Variants in BTLA observed in about 807,000 individuals in gnomAD.
BTLA encodes the protein B and T lymphocyte associated.
In BTLA, 11 loss-of-function variants were observed where a neutral mutation model predicts 25.0. The ratio of observed to expected loss-of-function variants is 0.44; its 90% CI spans 0.28 to 0.73. The LOEUF (loss-of-function observed/expected upper bound fraction) is 0.73. Among genes scored for constraint, BTLA ranks in the 30% least tolerant of loss-of-function variants. BTLA has a pLI of 0.15. For synonymous variants in BTLA, 104 were observed against 119.8 expected, an observed-to-expected ratio of 0.87 and a Z score of 0.86; for missense variants, 282 against 332.8, an observed-to-expected ratio of 0.85 and a Z score of 1.19.
At chr3:112,488,837 C>T (rs540210221) in intron 1 of BTLA, among the ~76,000 whole-genome samples, 66 of 152,126 alleles carry the variant, frequency 4.3e-4, no homozygotes, top group African/African-American at 1.4e-3. Flanking sequence ...TGGTCTTGAA[C>T]TCCTGACCTT....
At chr3:112,485,641 G>A (rs1448977112) in intron 1 of BTLA, among the ~76,000 whole-genome samples, 2 of 151,642 alleles carry the variant, frequency 1.3e-5, no homozygotes, top group African/African-American at 4.8e-5. Context: ...TCGGTTCACT[G>A]CAACCTCCAT....
At chr3:112,498,877 G>A (rs1168111062) in intron 1 of BTLA, among the ~76,000 whole-genome samples, 1 of 152,074 alleles carries the variant, frequency 6.6e-6, no homozygotes, top group Non-Finnish European at 1.5e-5. Flanking sequence ...CTACCCAACT[G>A]AGCACTGCAG....
At chr3:112,482,937 T>G (rs1484987528) in intron 1 of BTLA, among the ~76,000 whole-genome samples, 1 of 152,138 alleles carries the variant, frequency 6.6e-6, no homozygotes, top group Admixed American at 6.5e-5. Context: ...TCCGTTCCTC[T>G]CCCTGAAGTT....
chr3:112,481,880 C>T (rs1047088717), intron 1 of BTLA, among the ~76,000 whole-genome samples: 6 of 152,296 alleles, frequency 3.9e-5, no homozygotes, highest in Admixed American at 3.3e-4. Context: ...AGTAGCCACA[C>T]AGCAGCCTAA....
intron 1 of BTLA, among the ~76,000 whole-genome samples, chr3:112,483,914 G>C (rs1218814924): frequency 6.6e-6 from 1 of 151,772 alleles, no homozygotes; most frequent in Admixed American, 6.6e-5. Context: ...GTTCCAGTGA[G>C]CTGAGATCAT....
At chr3:112,492,130 G>C (rs1027159864) in intron 1 of BTLA, among the ~76,000 whole-genome samples, 1 of 152,194 alleles carries the variant, frequency 6.6e-6, no homozygotes, top group African/African-American at 2.4e-5. Context: ...CACTGACTTT[G>C]CTTCTCTAGG....
chr3:112,477,432 G>A (rs923121867), intron 2 of BTLA, among the ~76,000 whole-genome samples: 4 of 151,428 alleles, frequency 2.6e-5, no homozygotes, highest in African/African-American at 9.7e-5. Context: ...CATTTCTCCA[G>A]TAACTAATGA....
intron 2 of BTLA, among the ~76,000 whole-genome samples, chr3:112,474,499 A>G (rs1327038643): frequency 1.3e-5 from 2 of 151,538 alleles, no homozygotes; most frequent in Non-Finnish European, 2.9e-5. Context: ...GAAGGAAGTT[A>G]AAAGAAAAAA....
intron 4 of BTLA, among the ~76,000 whole-genome samples, chr3:112,468,050 G>A (rs2082239728): frequency 6.6e-6 from 1 of 152,208 alleles, no homozygotes; most frequent in South Asian, 2.1e-4. Context: ...GTGCCACAAG[G>A]CCAATGCACC....
At chr3:112,479,818 C>A in intron 1 of BTLA, 49 bp from the exon 2 acceptor site, 1 of 1,407,232 alleles carries the variant, frequency 7.1e-7, no homozygotes, top group Non-Finnish European at 9.7e-7. Context: ...TCTGGAAGTA[C>A]CATATATATG....
intron 1 of BTLA, among the ~76,000 whole-genome samples, chr3:112,480,458 T>A (rs1184295923): frequency 2.6e-5 from 4 of 152,234 alleles, no homozygotes; most frequent in Non-Finnish European, 4.4e-5. Flanking sequence ...TGAGATTGGA[T>A]AATTTTTGAA....
chr3:112,491,310 T>C (rs1397856480), intron 1 of BTLA, among the ~76,000 whole-genome samples: 1 of 152,156 alleles, frequency 6.6e-6, no homozygotes, highest in Non-Finnish European at 1.5e-5. Context: ...ATCTATATAC[T>C]GTAGACCCAA....
chr3:112,498,568 C>CTTTTTTTTTT (rs34606026), intron 1 of BTLA, among the ~76,000 whole-genome samples: 1 of 83,864 alleles, frequency 1.2e-5, no homozygotes, highest in Non-Finnish European at 2.2e-5. Context: ...AAGAAATTGC[C>CTTTTTTTTTT]TTTTTTTTTT....
chr3:112,498,848 C>T (rs1200304954), intron 1 of BTLA, among the ~76,000 whole-genome samples: 1 of 152,016 alleles, frequency 6.6e-6, no homozygotes, highest in African/African-American at 2.4e-5. Context: ...TGTATAATTC[C>T]GATTATCCAA....
At chr3:112,472,922 A>C (rs1446649922) in intron 2 of BTLA, among the ~76,000 whole-genome samples, 1 of 151,988 alleles carries the variant, frequency 6.6e-6, no homozygotes, top group African/African-American at 2.4e-5. Context: ...AGGGTCTTGG[A>C]TAGCAATGGG....
intron 4 of BTLA, among the ~76,000 whole-genome samples, chr3:112,467,461 GT>G (rs2082236581): frequency 6.6e-6 from 1 of 152,212 alleles, no homozygotes; most frequent in African/African-American, 2.4e-5. Context: ...TTAAATTCAA[GT>G]TTTGCCCATC....
intron 2 of BTLA, among the ~76,000 whole-genome samples, chr3:112,472,342 T>A (rs953621201): frequency 6.6e-6 from 1 of 152,128 alleles, no homozygotes; most frequent in Non-Finnish European, 1.5e-5. Flanking sequence ...TGGTTGTTGT[T>A]GTTGTTGTTG....
chr3:112,466,327 T>C lies in BTLA; in HGVS notation c.651A>G (p.Gln217=). The C allele has an allele frequency of 6.2e-7, 1 of 1,613,620 alleles. No homozygotes were observed. The highest frequency in any genetic ancestry group is 1.1e-5 in the South Asian group (1 of 90,934). The change falls in exon 5 of 5, where the codon CAA becomes CAG. Residue 217 remains glutamine, a synonymous_variant. Transcript: ENST00000334529. The part of the protein sequence containing the change: ...QTEASTRQNS[Q]VLLSETGIYD... ...AAATTCCAGTTTCTGATAGCAGTAC[T>C]TGGGAATTTTGCCTGGTGCTTGCTT...
Position 112,499,363 on chromosome 3 carries a change from T to C in BTLA, c.-5A>G. ...CATGGCAGGCAATGTCTTCATTTCC[T>C]GCACATATCAGTGATGGAAAAACTG... On this transcript the variant is annotated 5_prime_UTR_variant, in exon 1 of 5. Transcript: ENST00000334529. 9.9e-6 allele frequency: 16 copies of C among 1,613,064 alleles called. No individual in the cohort carries two copies. The highest frequency in any genetic ancestry group is 1.4e-5 in the Non-Finnish European group (16 of 1,179,468).
Sources: gnomAD v4.1 joint callset for allele counts (sites outside exome capture counted in the v4.1 genomes callset) on GRCh38, gnomAD v4.1.1 for gene constraint, MANE v1.5 for transcripts, NCBI Gene and HGNC (gene_info 2026-07-23, HGNC 2026-07-21) for gene names.